GLYATL2: variants seen among roughly 807,000 people sequenced by gnomAD.
The protein encoded by GLYATL2 is glycine-N-acyltransferase like 2, also known as glycine N-acyltransferase-like protein 2.
In GLYATL2, 25 loss-of-function variants were observed where a neutral mutation model predicts 21.4. The ratio of observed to expected loss-of-function variants is 1.17; its 90% CI spans 0.85 to 1.63. The LOEUF is 1.63. GLYATL2 is among the 40% of genes most tolerant of loss of function. The pLI is 0.00. For synonymous variants in GLYATL2, 114 were observed against 118.2 expected, an observed-to-expected ratio of 0.96 and a Z score of 0.23; for missense variants, 361 against 343.3, an observed-to-expected ratio of 1.05 and a Z score of -0.41.
intron 1 of GLYATL2, among the ~76,000 whole-genome samples, chr11:58,851,704 C>A (rs1207218082): frequency 6.6e-6 from 1 of 152,182 alleles, no homozygotes. Context: ...GTATCTTCCT[C>A]ACTTCTGTAG....
intron 1 of GLYATL2, among the ~76,000 whole-genome samples, chr11:58,844,119 A>C (rs1383706260): frequency 6.6e-6 from 1 of 152,092 alleles, no homozygotes; most frequent in Non-Finnish European, 1.5e-5. Flanking sequence ...TTTTTCTGCT[A>C]ACAGTATTAC....
chr11:58,837,202 C>T (rs1853449594), intron 4 of GLYATL2, 25 bp from the exon 5 acceptor site: 6 of 1,612,454 alleles, frequency 3.7e-6, no homozygotes, highest in Non-Finnish European at 5.1e-6. Flanking sequence ...AAGACAAGTA[C>T]CACTTTATGC....
At chr11:58,848,158 T>C, upstream of GLYATL2, among the ~76,000 whole-genome samples, 1 of 152,148 alleles carries the variant, frequency 6.6e-6, no homozygotes, top group East Asian at 1.9e-4. Flanking sequence ...GGATGCTCTC[T>C]GAAGTAGAGA....
At chr11:58,901,037 A>G (rs1301514458) in intron 1 of GLYATL2, among the ~76,000 whole-genome samples, 1 of 152,096 alleles carries the variant, frequency 6.6e-6, no homozygotes, top group African/African-American at 2.4e-5. Flanking sequence ...TGCCCTGAGT[A>G]ACTGCAAATC....
At chr11:58,885,431 C>A in intron 1 of GLYATL2, 1 of 479,364 alleles carries the variant, frequency 2.1e-6, no homozygotes, top group Admixed American at 2.1e-5. Flanking sequence ...ATCTCTCCTT[C>A]ATATATATGG....
upstream of GLYATL2, among the ~76,000 whole-genome samples, chr11:58,844,973 C>A (rs6591493): frequency 0.019 from 2,855 of 152,172 alleles, 90 homozygotes; most frequent in African/African-American, 0.065. Context: ...GTTTCATATA[C>A]CTTGTCCTCT....
rs142894742 is a variant in GLYATL2, at chr11:58,838,372, C to T, written c.79-4G>A. 54 of 1,575,752 alleles carry T rather than the reference C, an allele frequency of 3.4e-5. No homozygotes were observed. The East Asian group carries it at 6.5e-4, about 19-fold the overall frequency. On this transcript the variant is annotated splice_polypyrimidine_tract_variant and splice_region_variant and intron_variant, in intron 2 of 5. Transcript: ENST00000287275. ...TGTTGAAAATGGCGCCATATACCTA[C>T]GATGCAACAGAACAAAGCAGGAGAG...
At chr11:58,874,225 CT>C (rs1426746286) in intron 1 of GLYATL2, among the ~76,000 whole-genome samples, 2 of 152,046 alleles carry the variant, frequency 1.3e-5, no homozygotes, top group African/African-American at 4.8e-5. Flanking sequence ...TTTTGTTGAC[CT>C]TTTCAAAAAA....
Position 58,893,350 on chromosome 11 carries a change from C to T in GLYATL2, n.60+10806G>A, listed in dbSNP as rs879939492. The T allele has an allele frequency of 2.1e-4, 43 of 209,638 alleles. No homozygotes were observed. The Admixed American group carries it at 2.2e-3, about 11-fold the overall frequency. 13.0% of individuals were successfully genotyped at this position (209,638 alleles called of 1,614,324 possible). ...GAATATTCCATTTTACCTCTCTGTG[C>T]TGGAGGTAAATAAAGGCACCCACAC... is the stretch of plus-strand genomic sequence containing the variant. On this transcript the variant is annotated intron_variant and non_coding_transcript_variant, in intron 1 of 4. Transcript: ENST00000533636.
intron 1 of GLYATL2, chr11:58,892,330 A>G (rs1440402713): frequency 6.4e-6 from 1 of 156,184 alleles, no homozygotes; most frequent in African/African-American, 2.4e-5. Context: ...GGAAACAGAT[A>G]CTCCCTTGGA....
Position 58,852,697 on chromosome 11 carries a change from G to A in GLYATL2, n.61-14329C>T, listed in dbSNP as rs528317139. On this transcript the variant is annotated intron_variant and non_coding_transcript_variant, in intron 1 of 4. Transcript: ENST00000533636. ...ACAGACAAATATTCTTCTTCTAATT[G>A]CCATCAGCTATTTGAGACCATATTA... is the stretch of plus-strand genomic sequence containing the variant. Among the ~76,000 whole-genome samples, 5 of 152,284 alleles carry A rather than the reference G, an allele frequency of 3.3e-5. No individual in the cohort carries two copies. In the South Asian group the frequency reaches 1.0e-3, roughly 32 times the overall value.
chr11:58,844,986 T>C (rs547088215), upstream of GLYATL2, among the ~76,000 whole-genome samples: 1 of 152,194 alleles, frequency 6.6e-6, no homozygotes, highest in South Asian at 2.1e-4. Flanking sequence ...TGTCCTCTGG[T>C]TGTCTAAAGT....
At chr11:58,852,347 C>T (rs1024314697) in intron 1 of GLYATL2, among the ~76,000 whole-genome samples, 1 of 152,210 alleles carries the variant, frequency 6.6e-6, no homozygotes, top group African/African-American at 2.4e-5. Flanking sequence ...CTGCTATGGA[C>T]ATTCAATTAA....
intron 5 of GLYATL2, 77 bp downstream of exon 5, chr11:58,836,938 T>C: frequency 7.6e-7 from 1 of 1,316,272 alleles, no homozygotes; most frequent in Non-Finnish European, 1.1e-6. Flanking sequence ...TCTCAAATCC[T>C]ACATTTCCAA....
intron 1 of GLYATL2, among the ~76,000 whole-genome samples, chr11:58,842,398 G>C (rs1329524344): frequency 6.6e-6 from 1 of 151,872 alleles, no homozygotes; most frequent in Non-Finnish European, 1.5e-5. Context: ...CTGGACTACT[G>C]TCTATGTGCA....
At chr11:58,836,861 C>T (rs958873302) in intron 5 of GLYATL2, among the ~76,000 whole-genome samples, 154 bp downstream of exon 5, 2 of 152,114 alleles carry the variant, frequency 1.3e-5, no homozygotes, top group African/African-American at 4.8e-5. Flanking sequence ...TGTCCATGCT[C>T]AGTACACAGT....
intron 1 of GLYATL2, among the ~76,000 whole-genome samples, chr11:58,865,548 G>A (rs924347925): frequency 1.0e-4 from 15 of 149,114 alleles, no homozygotes; most frequent in African/African-American, 7.3e-5. Context: ...AAAGAACAAC[G>A]GCTTGGGATT....
chr11:58,896,173 C>T (rs1420513282), intron 1 of GLYATL2, among the ~76,000 whole-genome samples: 1 of 152,118 alleles, frequency 6.6e-6, no homozygotes, highest in Non-Finnish European at 1.5e-5. Flanking sequence ...TCTTTTCTGT[C>T]TTCACCTGTG....
chr11:58,881,778 C>T (rs554661803), intron 1 of GLYATL2, among the ~76,000 whole-genome samples: 9 of 152,172 alleles, frequency 5.9e-5, no homozygotes, highest in Non-Finnish European at 7.3e-5. Context: ...TGATGTTCCC[C>T]GCCCTGTGCC....
Sources: gnomAD v4.1 joint callset for allele counts (sites outside exome capture counted in the v4.1 genomes callset) on GRCh38, gnomAD v4.1.1 for gene constraint, MANE v1.5 for transcripts, NCBI Gene and HGNC (gene_info 2026-07-23, HGNC 2026-07-21) for gene names.